Variants in RIF1 observed in about 807,000 individuals in gnomAD.
The protein encoded by RIF1 is telomere-associated protein RIF1.
Under a neutral mutation model 247.1 loss-of-function variants are expected in RIF1, and 45 were observed. That is an observed-to-expected ratio of 0.18 (90% confidence interval 0.14 to 0.23). RIF1 has a LOEUF of 0.23. Among genes scored for constraint, RIF1 ranks in the 10% least tolerant of loss-of-function variants. The pLI, the probability that RIF1 is intolerant of heterozygous loss-of-function variation, is 1.00. For missense variants in RIF1, 2,967 were observed against 2,862.5 expected (o/e 1.04, Z -0.83); for synonymous variants, 1,087 against 978.8 (o/e 1.11, Z -2.06).
At chr2:151,492,312 T>TATG in intron 9 of RIF1, 1 of 1,602,804 alleles carries the variant, frequency 6.2e-7, no homozygotes, top group Non-Finnish European at 8.5e-7. Flanking sequence ...TTTATGAAAA[T>TATG]ATGATGGTGT....
At chr2:151,494,303 G>A in intron 9 of RIF1, 1 of 1,286,348 alleles carries the variant, frequency 7.8e-7, no homozygotes, top group African/African-American at 1.5e-5. Flanking sequence ...AGAGTTAACA[G>A]TTACCAAAAA....
chr2:151,451,549 T>A, intron 20 of RIF1, 57 bp from the exon 21 acceptor site: 1 of 849,248 alleles, frequency 1.2e-6, no homozygotes, highest in Admixed American at 1.8e-5. Context: ...TTGCTTACTT[T>A]TGTTGAATAC....
chr2:151,489,997 T>C, intron 9 of RIF1: 2 of 1,610,052 alleles, frequency 1.2e-6, no homozygotes, highest in Non-Finnish European at 1.7e-6. Context: ...TGAGATGGGA[T>C]GGAAGATACC....
At chr2:151,530,953 G>T in the RIF1 span, 1 of 1,332,700 alleles carries the variant, frequency 7.5e-7, no homozygotes, top group Non-Finnish European at 1.1e-6. Context: ...ATTAGAAGGA[G>T]GCCAAGATGA....
rs1697311289 is a variant in RIF1 at position 151,468,539 on chromosome 2, A to G, written c.6813A>G (p.Ser2271=). The G allele has an allele frequency of 9.9e-6, 16 of 1,613,052 alleles. No homozygotes were observed. Among genetic ancestry groups the G allele is most frequent in the Non-Finnish European group, 1.4e-5 (16 of 1,179,136 alleles). ...CACGTAGCCCTAAATTTAAGAGCTC[A>G]AAGAAGTGTTTAGTAAGAAGTGCTT... ...PGSRSPKFKS[S]KKCLISEMAK... The change falls in exon 32 of 36, where the codon TCA becomes TCG. Residue 2271 remains serine (S), a synonymous_variant. Coordinates refer to ENST00000444746, the MANE Select transcript of RIF1 (RefSeq NM_018151.5).
At chr2:151,455,552 C>G (rs1297813044) in intron 22 of RIF1, among the ~76,000 whole-genome samples, 1 of 151,994 alleles carries the variant, frequency 6.6e-6, no homozygotes, top group Non-Finnish European at 1.5e-5. Flanking sequence ...TCAACCAACC[C>G]TGGATCGAAA....
At chr2:151,416,341 T>A (rs1039684301) in intron 4 of RIF1, among the ~76,000 whole-genome samples, 1 of 152,186 alleles carries the variant, frequency 6.6e-6, no homozygotes, top group Non-Finnish European at 1.5e-5. Context: ...GATATCTGAT[T>A]TGGTGTCTGT....
chr2:151,506,263 G>A lies in RIF1; in HGVS notation c.*915G>A, dbSNP rs779147165. ...GACATCCTCTTTATATAAAACCTGG[G>A]CATTCAGAATCAGGACAGTGTTAAC... On this transcript the variant is annotated 3_prime_UTR_variant and NMD_transcript_variant, in exon 13 of 14. Coordinates refer to the RIF1 transcript ENST00000454583. 5 of 1,604,134 alleles carry A rather than the reference G, an allele frequency of 3.1e-6. No homozygotes were observed. The highest frequency in any genetic ancestry group is 3.4e-6 in the Non-Finnish European group (4 of 1,171,128).
At chr2:151,503,331 T>C (rs1336763386) in intron 12 of RIF1, 1 of 1,544,726 alleles carries the variant, frequency 6.5e-7, no homozygotes, top group African/African-American at 1.4e-5. Flanking sequence ...GTTTCTTATA[T>C]GATATATTTG....
chr2:151,428,793 C>A lies in RIF1; in HGVS notation c.796C>A (p.Arg266=). ...FVKLLGRTLH[R]SGSFINSLLQ... ...TTTTTCCCCTTTTTAGACCTTGCAT[C>A]GAAGTGGGAGTTTCATCAATTCTCT... The change falls in exon 9 of 36, where the codon CGA becomes AGA. Residue 266 remains arginine, a synonymous_variant. Transcript: ENST00000444746. 1 of 1,603,692 alleles carries A rather than the reference C, an allele frequency of 6.2e-7. No homozygotes were observed. Among genetic ancestry groups the A allele is most frequent in the Non-Finnish European group, 8.5e-7 (1 of 1,170,982 alleles).
At position 151,420,281 on chromosome 2, in the gene RIF1, G is replaced by T. The variant is rs941806515; in HGVS notation, c.595G>T (p.Val199Leu). The change falls in exon 7 of 36, where the codon GTA becomes TTA. Residue 199 changes from valine to leucine, a missense_variant. Transcript: ENST00000444746. ...IPLVVHSAQK[V>L]HLRGATALEM... ...TTTAGTGGTTCATTCAGCACAAAAG[G>T]TACATTTGCGGGGAGCAACTGCTCT... is the stretch of plus-strand genomic sequence containing the variant. 18 of 1,614,048 alleles carry T rather than the reference G, an allele frequency of 1.1e-5. No homozygotes were observed. Among genetic ancestry groups the T allele is most frequent in the Non-Finnish European group, 1.4e-5 (17 of 1,180,032 alleles).
chr2:151,470,733 G>A (rs1697659091), intron 34 of RIF1, among the ~76,000 whole-genome samples: 1 of 152,068 alleles, frequency 6.6e-6, no homozygotes, highest in African/African-American at 2.4e-5. Context: ...TATTCTTGAA[G>A]GTCCTTGATT....
intron 9 of RIF1, chr2:151,491,599 A>AACT: frequency 8.7e-7 from 1 of 1,153,916 alleles, no homozygotes; most frequent in Non-Finnish European, 1.3e-6. Flanking sequence ...GGAGGGAAGG[A>AACT]ACTTCAGAGC....
At chr2:151,501,620 G>T in intron 11 of RIF1, 3 of 478,712 alleles carry the variant, frequency 6.3e-6, no homozygotes, top group Non-Finnish European at 1.1e-5. Context: ...TTTAAAAATA[G>T]AGTTAACTAT....
intron 11 of RIF1, among the ~76,000 whole-genome samples, chr2:151,501,660 A>G (rs1322123438): frequency 1.3e-5 from 2 of 152,252 alleles, no homozygotes; most frequent in East Asian, 3.8e-4. Flanking sequence ...AGTCACACAC[A>G]GGATGTCTGT....
At chr2:151,525,881 G>C in the RIF1 span, 1 of 1,126,848 alleles carries the variant, frequency 8.9e-7, no homozygotes, top group Non-Finnish European at 1.4e-6. Context: ...GAAGCAAAAG[G>C]CAACTGACAT....
chr2:151,437,885 C>T (rs1019012294), intron 13 of RIF1, among the ~76,000 whole-genome samples: 1 of 152,066 alleles, frequency 6.6e-6, no homozygotes, highest in Non-Finnish European at 1.5e-5. Flanking sequence ...GTGGTAGTAC[C>T]GTGTCAAGCT....
chr2:151,442,388 T>TAA (rs34173773), intron 16 of RIF1, among the ~76,000 whole-genome samples: 91 of 134,858 alleles, frequency 6.7e-4, no homozygotes, highest in African/African-American at 2.2e-3. Context: ...CCCTTTTTTT[T>TAA]AAAAAAAAAA....
intron 10 of RIF1, among the ~76,000 whole-genome samples, chr2:151,498,671 T>TAGAAAC (rs931616684): frequency 3.9e-5 from 6 of 152,124 alleles, no homozygotes; most frequent in African/African-American, 1.4e-4. Flanking sequence ...GGGAAAAAAG[T>TAGAAAC]AGAAACAGAC....
Sources: allele counts gnomAD v4.1 joint callset (sites outside exome capture counted in the v4.1 genomes callset), GRCh38; gene constraint gnomAD v4.1.1; transcripts MANE v1.5; gene names NCBI Gene and HGNC (gene_info 2026-07-23, HGNC 2026-07-21).